Variants in SMIM23 observed in about 807,000 individuals in gnomAD.
The protein encoded by SMIM23 is small integral membrane protein 23.
A neutral mutation model predicts 12.8 loss-of-function variants in SMIM23; 10 were observed. The ratio of observed to expected loss-of-function variants is 0.78; its 90% CI spans 0.48 to 1.32. The LOEUF (loss-of-function observed/expected upper bound fraction) is 1.32, where lower values mean the gene tolerates loss of function less well. Among genes scored for constraint, SMIM23 ranks in the 40% most tolerant of loss-of-function variants. The pLI, the probability that SMIM23 is intolerant of heterozygous loss-of-function variation, is 0.00. For missense variants in SMIM23, 184 were observed against 198.2 expected, an observed-to-expected ratio of 0.93 and a Z score of 0.43; for synonymous variants, 78 against 80.1, an observed-to-expected ratio of 0.97 and a Z score of 0.14.
At chr5:171,774,651 G>T in the SMIM23 span, 1 of 441,880 alleles carries the variant, frequency 2.3e-6, no homozygotes, top group Admixed American at 2.4e-5. Flanking sequence ...TTTGAACTTG[G>T]TCTCAAGGCT....
chr5:171,788,895 A>G (rs1038777310), intron 1 of SMIM23, among the ~76,000 whole-genome samples: 2 of 152,270 alleles, frequency 1.3e-5, no homozygotes, highest in African/African-American at 4.8e-5. Context: ...ACTGGAGTGC[A>G]GTGGCGCAAT....
In SMIM23 at chr5:171,786,288, G is replaced by A. The variant is rs1434856158; in HGVS notation, c.105+312G>A. ...CCAAGTAGATGCTGAATGAACGAAT[G>A]AACTGATAATACTCCTGAATTGGAG... On this transcript the variant is annotated intron_variant, in intron 1 of 3. Coordinates refer to ENST00000523047, the MANE Select transcript of SMIM23 (RefSeq NM_001289970.2). 2.6e-5 allele frequency among the ~76,000 whole-genome samples: 4 copies of A among 152,298 alleles called. No individual in the cohort carries two copies. The East Asian group carries it at 7.7e-4, about 29-fold the overall frequency.
chr5:171,790,599 C>T (rs1448975176), intron 3 of SMIM23, 50 bp downstream of exon 3: 1 of 1,508,162 alleles, frequency 6.6e-7, no homozygotes, highest in Admixed American at 2.0e-5. Context: ...GAAGGCTTTC[C>T]AGAGGAGGTG....
chr5:171,774,202 G>A, the SMIM23 span: 3 of 357,928 alleles, frequency 8.4e-6, no homozygotes, highest in Admixed American at 3.8e-5. Context: ...TGCGATTGCT[G>A]TTGGCATGGA....
chr5:171,774,766 C>A, the SMIM23 span: 1 of 368,940 alleles, frequency 2.7e-6, no homozygotes, highest in East Asian at 7.3e-5. Flanking sequence ...TCCCTCTATT[C>A]CCAACTGCCA....
chr5:171,789,967 C>G (rs1051331699), intron 1 of SMIM23, among the ~76,000 whole-genome samples: 4 of 152,152 alleles, frequency 2.6e-5, no homozygotes, highest in Non-Finnish European at 5.9e-5. Context: ...GAAGTTGATT[C>G]CTTTTCAAGA....
chr5:171,774,534 G>C, the SMIM23 span: 1 of 456,170 alleles, frequency 2.2e-6, no homozygotes, highest in Non-Finnish European at 4.4e-6. Flanking sequence ...CACGCCCCTT[G>C]TGGGTTTGAA....
chr5:171,785,574 G>T (rs1164485020), upstream of SMIM23, among the ~76,000 whole-genome samples: 3 of 152,034 alleles, frequency 2.0e-5, no homozygotes, highest in Non-Finnish European at 2.9e-5. Context: ...TTTAGAATTA[G>T]CATTTTTATT....
At position 171,787,166 on chromosome 5, in the gene SMIM23, C is replaced by A. The variant is rs962745227; in HGVS notation, c.105+1190C>A. On this transcript the variant is annotated intron_variant, in intron 1 of 3. Coordinates refer to ENST00000523047, the MANE Select transcript of SMIM23 (RefSeq NM_001289970.2). ...TCCCGAGCAGCTGGGACTACAGGCG[C>A]CCGCCACCACACCCAGTTAATTTTT... Among the ~76,000 whole-genome samples the A allele has an allele frequency of 4.0e-5, 6 of 151,780 alleles. No homozygotes were observed. In the East Asian group the frequency reaches 1.2e-3, roughly 29 times the overall value.
intron 2 of SMIM23, 56 bp from the exon 3 acceptor site, chr5:171,790,426 T>A: frequency 6.5e-7 from 1 of 1,527,684 alleles, no homozygotes; most frequent in South Asian, 1.2e-5. Context: ...ACTAACCATG[T>A]TTATTTCAAT....
upstream of SMIM23, among the ~76,000 whole-genome samples, chr5:171,784,911 GT>G (rs918051169): frequency 1.8e-4 from 28 of 151,400 alleles, no homozygotes; most frequent in East Asian, 5.8e-4. Context: ...ATTATACTAT[GT>G]TTTTTTTTAA....
chr5:171,780,805 T>C (rs1042560355), upstream of SMIM23, among the ~76,000 whole-genome samples: 7 of 151,974 alleles, frequency 4.6e-5, no homozygotes, highest in Non-Finnish European at 8.8e-5. Context: ...CTGTCTTGGG[T>C]TGGACTCTTT....
In SMIM23 at chr5:171,790,503, A is replaced by C. The variant is rs1755902118; in HGVS notation, c.179A>C (p.Glu60Ala). Residue 60 changes from glutamate to alanine, a missense_variant, in exon 3 of 4, where the codon GAA (glutamate) becomes GCA (alanine). Coordinates refer to ENST00000523047, the MANE Select transcript of SMIM23 (RefSeq NM_001289970.2). ...TCAGGAAGCAGTTGGGAGGTGTCAG[A>C]AAGGATCAGAGAATGTAACTACTAC... is the stretch of plus-strand genomic sequence containing the variant. ...EIWGSSWEVS[E>A]RIRECNYYQN... The C allele has an allele frequency of 6.5e-7, 1 of 1,536,616 alleles. No individual in the cohort carries two copies. The highest frequency in any genetic ancestry group is 8.7e-7 in the Non-Finnish European group (1 of 1,147,060).
At chr5:171,783,197 T>C (rs998349656), upstream of SMIM23, among the ~76,000 whole-genome samples, 3 of 152,242 alleles carry the variant, frequency 2.0e-5, no homozygotes, top group African/African-American at 4.8e-5. Context: ...ACTGTGTTCC[T>C]GGGATAGAAG....
chr5:171,787,541 A>G (rs1755841441), intron 1 of SMIM23, among the ~76,000 whole-genome samples: 1 of 152,268 alleles, frequency 6.6e-6, no homozygotes, highest in Non-Finnish European at 1.5e-5. Context: ...AGGACTGGTT[A>G]GACACATAGA....
rs1380489030 is a variant in SMIM23, at chr5:171,790,828, G to A, written c.259G>A (p.Glu87Lys). The change falls in exon 4 of 4, where the codon GAA (glutamate) becomes AAA (lysine). Residue 87 changes from glutamate to lysine, a missense_variant. Transcript: ENST00000523047. ...LEYQTNEPSE[E>K]PIKTIRNWLK... The stretch of plus-strand genomic sequence containing the variant: ...ATATCAGACCAACGAGCCCTCAGAA[G>A]AACCGATAAAGACCATCAGGAACTG... The A allele has an allele frequency of 2.6e-6, 4 of 1,536,026 alleles. No homozygotes were observed. The African/African-American group carries it at 5.5e-5, about 21-fold the overall frequency.
chr5:171,777,443 C>T (rs911851403), upstream of SMIM23, among the ~76,000 whole-genome samples: 1 of 152,178 alleles, frequency 6.6e-6, no homozygotes. Flanking sequence ...ACGGGGCATG[C>T]AGAAGGGTAT....
At chr5:171,777,055 CT>C in the SMIM23 span, among the ~76,000 whole-genome samples, 1,447 of 141,282 alleles carry the variant, frequency 0.01, 19 homozygotes, top group African/African-American at 0.031. Context: ...CTTCCCCCTC[CT>C]TTTTTTTTTT....
chr5:171,778,825 G>T (rs1755682098), upstream of SMIM23, among the ~76,000 whole-genome samples: 1 of 152,204 alleles, frequency 6.6e-6, no homozygotes, highest in Non-Finnish European at 1.5e-5. Context: ...ACCACGCAGG[G>T]TATACATTTA....
Sources: gnomAD v4.1 joint callset for allele counts (sites outside exome capture counted in the v4.1 genomes callset) on GRCh38, gnomAD v4.1.1 for gene constraint, MANE v1.5 for transcripts, NCBI Gene and HGNC (gene_info 2026-07-23, HGNC 2026-07-21) for gene names.